The following ADGRV1 variants were observed in gnomAD, a reference collection of about 807,000 sequenced individuals.
ADGRV1 encodes adhesion G protein-coupled receptor V1.
ADGRV1 carries 359 observed loss-of-function variants against 596.2 expected under a neutral mutation model. That is an observed-to-expected ratio of 0.60 (90% confidence interval 0.55 to 0.66). The LOEUF (loss-of-function observed/expected upper bound fraction) is 0.66, where lower values mean the gene tolerates loss of function less well. ADGRV1 is among the 30% of genes least tolerant of loss of function. ADGRV1 has a pLI of 0.00. For synonymous variants in ADGRV1, 2,681 were observed against 2,679.2 expected (o/e 1.00, Z -0.02); for missense variants, 7,274 against 7,575.6 (o/e 0.96, Z 1.48).
Position 90,635,164 on chromosome 5 carries a change from C to T in ADGRV1, c.1890C>T (p.Ser630=), listed in dbSNP as rs765630390. The T allele has an allele frequency of 1.6e-5, 25 of 1,609,094 alleles. No individual in the cohort carries two copies. In the African/African-American group the frequency reaches 3.1e-4, roughly 20 times the overall value. Residue 630 remains serine (S), a synonymous_variant, in exon 10 of 90, where the codon AGC becomes AGT. Coordinates refer to ENST00000405460, the MANE Select transcript of ADGRV1 (RefSeq NM_032119.4). ...LNIIPLIPPI[S]PRFGEICNIS... is the part of the protein sequence containing the mutation. ...TAATTCCTCTAATCCCACCCATAAG[C>T]CCTAGATTTGGGGAAATCTGCAATA...
chr5:90,881,233 G>T (rs1240713930), intron 83 of ADGRV1, among the ~76,000 whole-genome samples: 1 of 152,102 alleles, frequency 6.6e-6, no homozygotes, highest in African/African-American at 2.4e-5. Flanking sequence ...TTTTTGAAAA[G>T]AAATTGAATG....
At chr5:90,922,853 G>C (rs1774012148) in intron 83 of ADGRV1, among the ~76,000 whole-genome samples, 1 of 152,192 alleles carries the variant, frequency 6.6e-6, no homozygotes, top group Non-Finnish European at 1.5e-5. Flanking sequence ...ATTAATGACA[G>C]TTGGTTCTTG....
At position 90,738,718 on chromosome 5, in the gene ADGRV1, A is replaced by G. The variant is rs147684237; in HGVS notation, c.10550-6328A>G. On this transcript the variant is annotated intron_variant, in intron 50 of 89. Transcript: ENST00000405460. Reference sequence around the variant, plus strand: ...GCCTTTGAATGCGACTATATTCTCTATCTCTTGCTGCTTTCAGTATTCTTT... The same window carrying G: ...GCCTTTGAATGCGACTATATTCTCTGTCTCTTGCTGCTTTCAGTATTCTTT... Among the ~76,000 whole-genome samples the G allele has an allele frequency of 2.9e-3, 446 of 152,124 alleles. 3 individuals carry two copies. Among genetic ancestry groups the G allele is most frequent in the African/African-American group, 9.7e-3 (401 of 41,502 alleles).
At chr5:90,909,376 T>C (rs6858917) in intron 83 of ADGRV1, among the ~76,000 whole-genome samples, 1 of 151,880 alleles carries the variant, frequency 6.6e-6, no homozygotes, top group East Asian at 1.9e-4. Flanking sequence ...TCTACCTTTC[T>C]TGTCTGCCCT....
In ADGRV1 at chr5:90,815,814, G is replaced by A; in HGVS notation, c.16196+78G>A. The A allele has an allele frequency of 4.4e-5, 37 of 842,712 alleles. No homozygotes were observed. In the South Asian group the frequency reaches 5.7e-4, roughly 13 times the overall value. The allele number at this position is 842,712 out of a possible 1,614,324, so 52.2% of individuals were successfully genotyped here. A position where few individuals can be genotyped will look rare whatever the true frequency, so the allele number is the denominator to read the frequency against. ...ATGTAATTTCAATTCATACAATGGT[G>A]GAGGGCAGGGTAAGATAGAAGGAGG... On this transcript the variant is annotated intron_variant, in intron 75 of 89. Transcript: ENST00000405460.
chr5:90,856,031 T>A (rs1193981651), intron 82 of ADGRV1, 130 bp downstream of exon 82: 6 of 747,902 alleles, frequency 8.0e-6, no homozygotes, highest in Middle Eastern at 3.7e-4. Flanking sequence ...GAATACAAAT[T>A]TTTCGTTGTC....
At chr5:90,986,100 T>TGC (rs1780480385) in intron 85 of ADGRV1, among the ~76,000 whole-genome samples, 1 of 140,448 alleles carries the variant, frequency 7.1e-6, no homozygotes, top group Non-Finnish European at 1.6e-5. Flanking sequence ...TATATATATA[T>TGC]ATATATTATG....
chr5:90,856,274 CA>C (rs1226177394), intron 82 of ADGRV1, among the ~76,000 whole-genome samples: 2 of 151,884 alleles, frequency 1.3e-5, no homozygotes, highest in African/African-American at 2.4e-5. Flanking sequence ...AAAGAATTTT[CA>C]AAAAAATACA....
chr5:91,140,162 C>T (rs1372304607), intron 87 of ADGRV1, among the ~76,000 whole-genome samples: 2 of 152,186 alleles, frequency 1.3e-5, no homozygotes, highest in Non-Finnish European at 2.9e-5. Context: ...CAGTGGGGTA[C>T]TTAACACATC....
At chr5:90,831,075 C>G (rs1764477712) in intron 77 of ADGRV1, among the ~76,000 whole-genome samples, 1 of 152,114 alleles carries the variant, frequency 6.6e-6, no homozygotes, top group African/African-American at 2.4e-5. Flanking sequence ...CATTGGTTCT[C>G]CTAGTTCTCA....
chr5:90,698,906 C>T (rs917710791), intron 34 of ADGRV1, among the ~76,000 whole-genome samples: 1 of 152,048 alleles, frequency 6.6e-6, no homozygotes, highest in Non-Finnish European at 1.5e-5. Context: ...ATCAGTGTGT[C>T]TCATACTAAC....
At chr5:90,570,322 A>C (rs2151954025) in intron 1 of ADGRV1, among the ~76,000 whole-genome samples, 1 of 152,250 alleles carries the variant, frequency 6.6e-6, no homozygotes, top group Non-Finnish European at 1.5e-5. Context: ...CTTTTATGTG[A>C]TAATTTTCTT....
At chr5:90,661,250 G>A (rs1770245426) in intron 21 of ADGRV1, among the ~76,000 whole-genome samples, 1 of 152,120 alleles carries the variant, frequency 6.6e-6, no homozygotes, top group Non-Finnish European at 1.5e-5. Context: ...TGCTTTCATA[G>A]TGATTCATAG....
At position 90,653,768 on chromosome 5, in the gene ADGRV1, T is replaced by A; in HGVS notation, c.4194T>A (p.Leu1398=). 1 of 1,613,374 alleles carries A rather than the reference T, an allele frequency of 6.2e-7. No individual in the cohort carries two copies. The highest frequency in any genetic ancestry group is 8.5e-7 in the Non-Finnish European group (1 of 1,179,632). ...QTNESHVTLS[L]HYKTLGSNAT... ...ACGAATCCCATGTGACACTTTCCCT[T>A]CATTATAAAACCTTGGGTTCCAATG... Residue 1398 remains leucine, a synonymous_variant, in exon 20 of 90, where the codon CTT becomes CTA. Coordinates refer to ENST00000405460, the MANE Select transcript of ADGRV1 (RefSeq NM_032119.4).
chr5:91,057,987 T>C (rs149791789), intron 85 of ADGRV1, among the ~76,000 whole-genome samples: 134 of 152,266 alleles, frequency 8.8e-4, no homozygotes, highest in African/African-American at 3.0e-3. Flanking sequence ...TATTCAATAG[T>C]CCCCTAACCC....
At chr5:91,142,685 G>A (rs1483950424) in intron 87 of ADGRV1, among the ~76,000 whole-genome samples, 1 of 152,082 alleles carries the variant, frequency 6.6e-6, no homozygotes, top group Non-Finnish European at 1.5e-5. Flanking sequence ...TGAGATAATT[G>A]TCCAGAATCT....
chr5:90,654,145 CAG>C (rs1156347360), intron 20 of ADGRV1, 193 bp downstream of exon 20: 6 of 648,514 alleles, frequency 9.3e-6, no homozygotes, highest in African/African-American at 5.5e-5. Context: ...AGAAATGAAT[CAG>C]AGAATTTTGC....
intron 18 of ADGRV1, among the ~76,000 whole-genome samples, chr5:90,651,951 C>G (rs1022501893): frequency 8.0e-5 from 12 of 150,734 alleles, no homozygotes; most frequent in South Asian, 2.1e-4. Context: ...CTCCCCACCC[C>G]CCTCGTTCAA....
chr5:90,662,733 G>T (rs192575093), intron 21 of ADGRV1, among the ~76,000 whole-genome samples: 7 of 152,006 alleles, frequency 4.6e-5, no homozygotes, highest in Non-Finnish European at 7.4e-5. Flanking sequence ...CTAGCATTAG[G>T]TATATCTCCC....
Sources: gnomAD v4.1 joint callset for allele counts (sites outside exome capture counted in the v4.1 genomes callset) on GRCh38, gnomAD v4.1.1 for gene constraint, MANE v1.5 for transcripts, NCBI Gene and HGNC (gene_info 2026-07-23, HGNC 2026-07-21) for gene names.